The following SEC16A variants were observed in gnomAD, a reference collection of about 807,000 sequenced individuals.
SEC16A encodes the protein protein transport protein Sec16A.
Under a neutral mutation model 221.9 loss-of-function variants are expected in SEC16A, and 110 were observed. The ratio of observed to expected loss-of-function variants is 0.50; its 90% CI spans 0.42 to 0.58. The LOEUF (loss-of-function observed/expected upper bound fraction) is 0.58, where lower values mean the gene tolerates loss of function less well. Among genes scored for constraint, SEC16A ranks in the 20% least tolerant of loss-of-function variants. SEC16A has a pLI of 0.00. For synonymous variants in SEC16A, 1,393 were observed against 1,257.7 expected, an observed-to-expected ratio of 1.11 and a Z score of -2.28; for missense variants, 3,165 against 3,097.8, an observed-to-expected ratio of 1.02 and a Z score of -0.52.
At chr9:136,470,987 G>A (rs1227393695) in intron 4 of SEC16A, among the ~76,000 whole-genome samples, 1 of 152,140 alleles carries the variant, frequency 6.6e-6, no homozygotes, top group Non-Finnish European at 1.5e-5. Flanking sequence ...AGGGCTCTGC[G>A]CACCTCCCTG....
rs1309740049 is a variant in SEC16A, at chr9:136,447,150, G to A, written c.6697+77C>T. 16 of 1,537,960 alleles carry A rather than the reference G, an allele frequency of 1.0e-5. No individual in the cohort carries two copies. The highest frequency in any genetic ancestry group is 1.2e-5 in the Non-Finnish European group (14 of 1,137,664). On this transcript the variant is annotated intron_variant, in intron 27 of 31. Coordinates refer to ENST00000684901, the MANE Select transcript of SEC16A (RefSeq NM_014866.2). The surrounding 1 kb of genome is among the most constrained non-coding windows in gnomAD (Gnocchi z 5.5). ...GTCATTCTTTTAACGGGAGATTTAG[G>A]AGAGACTCATAGAAAGAGGATCAAA...
intron 20 of SEC16A, among the ~76,000 whole-genome samples, chr9:136,455,273 C>T (rs2132130136): frequency 6.6e-6 from 1 of 152,268 alleles, no homozygotes; most frequent in South Asian, 2.1e-4. Context: ...CCGAGGGCGC[C>T]GCCCAGACAC....
rs376539781 is a variant in SEC16A at position 136,445,107 on chromosome 9, G to A, written c.6872C>T (p.Ser2291Leu). The stretch of plus-strand genomic sequence containing the variant: ...TAATGAACTCATTGAACTACAGCGC[G>A]AAAGCTACAAAACAGCAAGAACACA... ...RPEGSQGGEL[S>L]RCSSMSSLSR... is the part of the protein sequence containing the mutation. The change falls in exon 30 of 32, where the codon TCG becomes TTG. Residue 2291 changes from serine (S) to leucine (L), a missense_variant. Around this residue, in one of 3 missense-constraint regions of SEC16A, gnomAD observed 1,088 missense variants for 1,089.6 expected, o/e 1.00. Transcript: ENST00000684901. The A allele has an allele frequency of 1.6e-4, 251 of 1,604,512 alleles. No homozygotes were observed. Among genetic ancestry groups the A allele is most frequent in the Non-Finnish European group, 2.0e-4 (236 of 1,175,720 alleles).
At position 136,471,486 on chromosome 9, in the gene SEC16A, A is replaced by C. The variant is rs1484080910; in HGVS notation, c.3704+489T>G. Among the ~76,000 whole-genome samples, 4 of 152,198 alleles carry C rather than the reference A, an allele frequency of 2.6e-5. No individual in the cohort carries two copies. The South Asian group carries it at 8.3e-4, about 32-fold the overall frequency. On this transcript the variant is annotated intron_variant, in intron 4 of 31. Transcript: ENST00000684901. Reference sequence around the variant, plus strand: ...GAGACCTGCCTTAAAAGAAAAAAAAAGAAGAGGAAACACAGGCTTTCAAGC... The same window carrying C: ...GAGACCTGCCTTAAAAGAAAAAAAACGAAGAGGAAACACAGGCTTTCAAGC...
In SEC16A at chr9:136,474,438, C is replaced by T; in HGVS notation, c.3178G>A (p.Glu1060Lys). 6.2e-7 allele frequency: 1 copy of T among 1,613,092 alleles called. No homozygotes were observed. Among genetic ancestry groups the T allele is most frequent in the Non-Finnish European group, 8.5e-7 (1 of 1,179,892 alleles). ...GCCTGTTGCTGGGGTGGCACCAGCTCCTGCTGGGCTCTTTCGAGGCCAGGC... is the reference window on the plus strand; with the variant it reads ...GCCTGTTGCTGGGGTGGCACCAGCTTCTGCTGGGCTCTTTCGAGGCCAGGC... ...GQPGLERAQQELVPPQQQASP... is the reference protein window; with the variant it reads ...GQPGLERAQQKLVPPQQQASP... Residue 1060 changes from glutamate (E) to lysine (K), a missense_variant, in exon 3 of 32, where the codon GAG (glutamate) becomes AAG (lysine). Physicochemically the swap from Glu to Lys is moderately conservative, Grantham distance 56. Coordinates refer to ENST00000684901, the MANE Select transcript of SEC16A (RefSeq NM_014866.2).
chr9:136,466,516 C>T lies in SEC16A; in HGVS notation c.3930-54G>A. ...GGAATGGGAGTGCCGGAGGCCCCGTCCCCATGTGCCACGCAGCTGCCCAGG... is the reference window on the plus strand; with the variant it reads ...GGAATGGGAGTGCCGGAGGCCCCGTTCCCATGTGCCACGCAGCTGCCCAGG... On this transcript the variant is annotated intron_variant, in intron 6 of 31. Transcript: ENST00000684901. This position sits in a 1 kb window ranked among gnomAD's most constrained non-coding sequence, Gnocchi z 5.5. The T allele has an allele frequency of 2.7e-6, 4 of 1,495,986 alleles. No individual in the cohort carries two copies. The highest frequency in any genetic ancestry group is 2.6e-5 in the South Asian group (2 of 77,374). 92.7% of individuals were successfully genotyped at this position (1,495,986 alleles called of 1,614,324 possible).
In SEC16A at chr9:136,466,256, C is replaced by T. The variant is rs755334271; in HGVS notation, c.4128+8G>A. Reference sequence around the variant, plus strand: ...CCGTCCGCGTGTCTGTGAGGCGCCGCCGCGTACCTGGTGCGAGTGGGAGCT... The same window carrying T: ...CCGTCCGCGTGTCTGTGAGGCGCCGTCGCGTACCTGGTGCGAGTGGGAGCT... On this transcript the variant is annotated splice_region_variant and intron_variant, in intron 7 of 31. Transcript: ENST00000684901. This position sits in a 1 kb window ranked among gnomAD's most constrained non-coding sequence, Gnocchi z 5.5. 1 of 1,585,024 alleles carries T rather than the reference C, an allele frequency of 6.3e-7. No individual in the cohort carries two copies. The highest frequency in any genetic ancestry group is 2.3e-5 in the East Asian group (1 of 43,686).
chr9:136,479,633 T>C (rs897613897), intron 1 of SEC16A, among the ~76,000 whole-genome samples: 10 of 152,138 alleles, frequency 6.6e-5, no homozygotes, highest in African/African-American at 2.2e-4. Flanking sequence ...ATTACAGGCG[T>C]GAGCCACCGT....
rs764126690 is a variant in SEC16A, at chr9:136,474,514, C to T, written c.3102G>A (p.Ala1034=). Residue 1034 remains alanine, a synonymous_variant, in exon 3 of 32, where the codon GCG becomes GCA. Transcript: ENST00000684901. ...ASHPRQSGPG[A]PNLDRFYQQV... ...GCTGATAAAAACGGTCAAGGTTAGG[C>T]GCCCCAGGCCCAGATTGTCTGGGAT... 14 of 1,612,886 alleles carry T rather than the reference C, an allele frequency of 8.7e-6. No homozygotes were observed. The highest frequency in any genetic ancestry group is 1.3e-5 in the African/African-American group (1 of 75,050).
At position 136,474,614 on chromosome 9, in the gene SEC16A, G is replaced by A. The variant is rs148167113; in HGVS notation, c.3002C>T (p.Thr1001Ile). 0.019 allele frequency: 29,904 copies of A among 1,612,980 alleles called. 356 individuals are homozygous for A. Among genetic ancestry groups the A allele is most frequent in the Non-Finnish European group, 0.023 (26,687 of 1,179,736 alleles). Residue 1001 changes from threonine (T) to isoleucine (I), a missense_variant, in exon 3 of 32, where the codon ACT (threonine) becomes ATT (isoleucine). Thr to Ile is a moderately conservative substitution (Grantham distance 89, BLOSUM62 -1). Around this residue, in one of 3 missense-constraint regions of SEC16A, gnomAD observed 2,030 missense variants for 1,923.1 expected, o/e 1.06. Coordinates refer to ENST00000684901, the MANE Select transcript of SEC16A (RefSeq NM_014866.2). The part of the protein sequence containing the change: ...YGALDFTLSR[T>I]LENPVNVYNP... ...GTACACGTTTACAGGATTTTCCAAAGTCCTGCTTAAGGTAAAGTCTAGGGC... is the reference window on the plus strand; with the variant it reads ...GTACACGTTTACAGGATTTTCCAAAATCCTGCTTAAGGTAAAGTCTAGGGC...
chr9:136,465,941 T>C, intron 8 of SEC16A, 21 bp downstream of exon 8: 3 of 1,606,336 alleles, frequency 1.9e-6, no homozygotes, highest in African/African-American at 1.3e-5. Flanking sequence ...CCGGTATCCC[T>C]CTGTCCTGCT....
rs769438475 is a variant in SEC16A at position 136,475,208 on chromosome 9, A to G, written c.2408T>C (p.Leu803Pro). ...ATAACCAGAACTCGCCTGGGACTGA[A>G]GGGCCTCCTCCTCTCCCATTTTGGG... ...NPPKMGEEEA[L>P]QSQASSGYAS... Residue 803 changes from leucine to proline, a missense_variant, in exon 3 of 32, where the codon CTT (leucine) becomes CCT (proline). By Grantham distance (98) the Leu-to-Pro change is moderately conservative. This residue lies in a region of SEC16A where 2,030 missense variants were observed against 1,923.1 expected (regional missense o/e 1.06). Coordinates refer to ENST00000684901, the MANE Select transcript of SEC16A (RefSeq NM_014866.2). The surrounding 1 kb of genome is among the most constrained non-coding windows in gnomAD (Gnocchi z 5.0). 3.7e-6 allele frequency: 6 copies of G among 1,613,742 alleles called. No individual in the cohort carries two copies. The highest frequency in any genetic ancestry group is 1.3e-5 in the African/African-American group (1 of 75,028).
chr9:136,476,098 G>A lies in SEC16A; in HGVS notation c.1518C>T (p.Thr506=), dbSNP rs768708887. ...TATGCAGTGTGGCATCAGGGGCTCC[G>A]GTGTGGCACACAGCACCATGCCTGG... ...AVPRHGAVCH[T]GAPDATLHTV... Residue 506 remains threonine, a synonymous_variant, in exon 3 of 32, where the codon ACC becomes ACT. Transcript: ENST00000684901. 5.9e-5 allele frequency: 95 copies of A among 1,613,580 alleles called. No individual in the cohort carries two copies. The highest frequency in any genetic ancestry group is 4.3e-4 in the African/African-American group (32 of 75,020).
In SEC16A at chr9:136,459,833, G is replaced by A. The variant is rs778082167; in HGVS notation, c.5115C>T (p.Leu1705=). ...TGTTCAAGTTGGACAAGACCATGGC[G>A]AGGTGCGGCCTCCAATCTCCCCATT... is the stretch of plus-strand genomic sequence containing the variant. ...DEKWGDWRPH[L]AMVLSNLNNN... is the part of the protein sequence containing the mutation. Residue 1705 remains leucine (L), a synonymous_variant, in exon 15 of 32, where the codon CTC becomes CTT. Transcript: ENST00000684901. The surrounding 1 kb of genome is among the most constrained non-coding windows in gnomAD (Gnocchi z 6.1). 110 of 1,613,522 alleles carry A rather than the reference G, an allele frequency of 6.8e-5. No homozygotes were observed. Among genetic ancestry groups the A allele is most frequent in the East Asian group, 1.6e-4 (7 of 44,898 alleles).
rs1399757070 is a variant in SEC16A at position 136,477,503 on chromosome 9, T to C, written c.113A>G (p.Asn38Ser). 1 of 1,613,888 alleles carries C rather than the reference T, an allele frequency of 6.2e-7. No homozygotes were observed. The highest frequency in any genetic ancestry group is 8.5e-7 in the Non-Finnish European group (1 of 1,179,862). Reference protein sequence around the residue: ...SSPYRRRANNNAAVAPTTCPL... With the variant: ...SSPYRRRANNSAAVAPTTCPL... ...GCAAGTTGTCGGAGCCACTGCTGCA[T>C]TATTATTAGCCCGTCTCCTGTAAGG... Residue 38 changes from asparagine to serine, a missense_variant, in exon 3 of 32, where the codon AAT (asparagine) becomes AGT (serine). By Grantham distance (46) the Asn-to-Ser change is conservative. Around this residue, in one of 3 missense-constraint regions of SEC16A, gnomAD observed 2,030 missense variants for 1,923.1 expected, o/e 1.06. Coordinates refer to ENST00000684901, the MANE Select transcript of SEC16A (RefSeq NM_014866.2).
chr9:136,445,359 ACCT>A (rs1051817774), intron 29 of SEC16A, among the ~76,000 whole-genome samples: 3 of 152,102 alleles, frequency 2.0e-5, no homozygotes, highest in Non-Finnish European at 4.4e-5. Context: ...AGCCAGCTTC[ACCT>A]CCTGACACCT....
In SEC16A at chr9:136,475,293, A is replaced by G; in HGVS notation, c.2323T>C (p.Ser775Pro). The G allele has an allele frequency of 3.1e-6, 5 of 1,613,200 alleles. No individual in the cohort carries two copies. Among genetic ancestry groups the G allele is most frequent in the Non-Finnish European group, 4.2e-6 (5 of 1,179,674 alleles). The stretch of plus-strand genomic sequence containing the variant: ...CCTCGGCTCTGCACCGGGGCCGCCG[A>G]GCTTGGGTTCCGTGACTGCTGCCCG... ...MSGQQSRNPS[S>P]AAPVQSRGGI... Residue 775 changes from serine to proline, a missense_variant, in exon 3 of 32, where the codon TCG becomes CCG. Transcript: ENST00000684901. The surrounding 1 kb of genome is among the most constrained non-coding windows in gnomAD (Gnocchi z 5.0).
chr9:136,460,178 G>T, intron 13 of SEC16A, 55 bp from the exon 14 acceptor site: 1 of 1,456,136 alleles, frequency 6.9e-7, no homozygotes. Context: ...AAAGAAAAAA[G>T]CCGGCCGGAC....
chr9:136,472,690 G>A (rs998636319), intron 3 of SEC16A, among the ~76,000 whole-genome samples: 4 of 152,210 alleles, frequency 2.6e-5, no homozygotes, highest in African/African-American at 9.6e-5. Context: ...TGTTCCCAAC[G>A]GGGCCCATGT....
Sources: allele counts gnomAD v4.1 joint callset (sites outside exome capture counted in the v4.1 genomes callset), GRCh38; gene constraint gnomAD v4.1.1; regional missense constraint gnomAD v4.1.1; non-coding constraint Gnocchi (gnomAD v3.1); transcripts MANE v1.5; gene names NCBI Gene and HGNC (gene_info 2026-07-23, HGNC 2026-07-21).